GMFG: variants seen among roughly 807,000 people sequenced by gnomAD.
GMFG encodes the protein glia maturation factor gamma.
A neutral mutation model predicts 26.1 loss-of-function variants in GMFG; 21 were observed. The observed-to-expected ratio is 0.80, with a 90% CI of 0.57 to 1.16. GMFG has a LOEUF of 1.16. Among genes scored for constraint, GMFG ranks in the 50% most tolerant of loss-of-function variants. The pLI, the probability that GMFG is intolerant of heterozygous loss-of-function variation, is 0.00. For synonymous variants in GMFG, 65 were observed against 60.8 expected (o/e 1.07, Z -0.32); for missense variants, 161 against 178.3 (o/e 0.90, Z 0.55).
At chr19:39,332,125 G>A (rs1409273622) in intron 4 of GMFG, among the ~76,000 whole-genome samples, 1 of 151,794 alleles carries the variant, frequency 6.6e-6, no homozygotes, top group Non-Finnish European at 1.5e-5. Flanking sequence ...GGGATCACCT[G>A]AGGTTAGGAG....
At chr19:39,331,029 C>T (rs1447645763) in intron 4 of GMFG, among the ~76,000 whole-genome samples, 6 of 152,160 alleles carry the variant, frequency 3.9e-5, no homozygotes, top group East Asian at 1.9e-4. Context: ...TGAGCCACTG[C>T]GCTCAGCCTG....
intron 4 of GMFG, among the ~76,000 whole-genome samples, chr19:39,331,902 C>T (rs922070364): frequency 2.6e-5 from 4 of 152,162 alleles, no homozygotes; most frequent in Admixed American, 6.5e-5. Flanking sequence ...TGCTCTGTCA[C>T]CCAGGCTGGA....
At chr19:39,328,964 C>T in intron 6 of GMFG, 36 bp downstream of exon 6, 1 of 1,473,106 alleles carries the variant, frequency 6.8e-7, no homozygotes, top group Non-Finnish European at 9.5e-7. Context: ...CACACCACCT[C>T]TCCCTAACAC....
At chr19:39,330,891 C>T (rs952152550) in intron 4 of GMFG, among the ~76,000 whole-genome samples, 3 of 151,934 alleles carry the variant, frequency 2.0e-5, no homozygotes, top group South Asian at 2.1e-4. Flanking sequence ...TGAGCCACTG[C>T]GCCTGGCCTT....
intron 1 of GMFG, 97 bp from the exon 2 acceptor site, chr19:39,335,628 G>A (rs559278773): frequency 3.2e-5 from 28 of 866,610 alleles, no homozygotes; most frequent in African/African-American, 1.2e-4. Flanking sequence ...GAGGAGCATC[G>A]CGCCGGCCCA....
chr19:39,335,907 A>C, intron 1 of GMFG, 67 bp downstream of exon 1: 1 of 1,109,736 alleles, frequency 9.0e-7, no homozygotes, highest in East Asian at 2.4e-5. Flanking sequence ...ACCTTCGCCC[A>C]GGTGTCCTCC....
In GMFG at chr19:39,328,481, C is replaced by A. The variant is rs149972285; in HGVS notation, c.425G>T (p.Arg142Leu). ...ATTCAGTCCCCAGCCCAGAGATCAACGAAAGAAAGACAACTTTTCTTGGAG... is the reference window on the plus strand; with the variant it reads ...ATTCAGTCCCCAGCCCAGAGATCAAAGAAAGAAAGACAACTTTTCTTGGAG... Reference protein sequence around the residue: ...AWLQEKLSFFR With the variant: ...AWLQEKLSFFL Residue 142 changes from arginine (R) to leucine (L), a missense_variant, in exon 7 of 7, where the codon CGT becomes CTT. Coordinates refer to ENST00000597595, the MANE Select transcript of GMFG (RefSeq NM_004877.4). 5.0e-6 allele frequency: 8 copies of A among 1,609,530 alleles called. No individual in the cohort carries two copies. The highest frequency in any genetic ancestry group is 6.8e-6 in the Non-Finnish European group (8 of 1,175,932).
Position 39,328,555 on chromosome 19 carries a change from A to G in GMFG, c.358-7T>C, listed in dbSNP as rs1452183738. On this transcript the variant is annotated splice_polypyrimidine_tract_variant and splice_region_variant and intron_variant, in intron 6 of 6. Transcript: ENST00000597595. ...TGGTGCGGATTTCGAACACCTGGGC[A>G]GAGAGAGGTCTCGGCATTATGATCT... The G allele has an allele frequency of 1.9e-6, 3 of 1,605,970 alleles. No homozygotes were observed. The highest frequency in any genetic ancestry group is 1.7e-5 in the Admixed American group (1 of 59,980).
chr19:39,334,460 G>T (rs1182703275), intron 3 of GMFG, among the ~76,000 whole-genome samples: 4 of 151,748 alleles, frequency 2.6e-5, no homozygotes, highest in African/African-American at 9.7e-5. Context: ...TAGAGTTAGG[G>T]TGTTACCATG....
In GMFG at chr19:39,328,550, T is replaced by TG. The variant is rs1437788789; in HGVS notation, c.358-3dup. On this transcript the variant is annotated splice_region_variant and splice_polypyrimidine_tract_variant and intron_variant, in intron 6 of 6. Transcript: ENST00000597595. ...ATCAGTGGTGCGGATTTCGAACACC[T>TG]GGGCAGAGAGAGGTCTCGGCATTAT... 6.2e-7 allele frequency: 1 copy of TG among 1,608,916 alleles called. No individual in the cohort carries two copies. Among genetic ancestry groups the TG allele is most frequent in the African/African-American group, 1.3e-5 (1 of 74,804 alleles).
Position 39,329,367 on chromosome 19 carries a change from C to T in GMFG, c.283+177G>A, listed in dbSNP as rs190409215. On this transcript the variant is annotated intron_variant, in intron 5 of 6. Coordinates refer to ENST00000597595, the MANE Select transcript of GMFG (RefSeq NM_004877.4). ...CTTGGTGAATCTGAGCCCCCACCTC[C>T]ACTTCACTGCCCTCCCACATCATGC... is the stretch of plus-strand genomic sequence containing the variant. 1.5e-4 allele frequency among the ~76,000 whole-genome samples: 23 copies of T among 152,292 alleles called. 1 individual carries two copies. Among genetic ancestry groups the T allele is most frequent in the African/African-American group, 3.4e-4 (14 of 41,562 alleles).
chr19:39,330,971 C>T (rs2075224048), intron 4 of GMFG, among the ~76,000 whole-genome samples: 1 of 152,092 alleles, frequency 6.6e-6, no homozygotes. Flanking sequence ...CTCCTGGCCA[C>T]AAGCAGTACT....
At chr19:39,328,754 C>T in intron 6 of GMFG, 1 of 609,188 alleles carries the variant, frequency 1.6e-6, no homozygotes, top group Non-Finnish European at 2.9e-6. Context: ...TGGCGTGTGC[C>T]TGTCGTCCCA....
intron 4 of GMFG, 53 bp from the exon 5 acceptor site, chr19:39,329,679 A>C (rs1600491024): frequency 3.7e-5 from 41 of 1,115,668 alleles, no homozygotes; most frequent in Non-Finnish European, 6.8e-6. Context: ...CCCAGGCTTA[A>C]CAGCCATTAC....
Position 39,328,382 on chromosome 19 carries a change from T to G in GMFG, c.*95A>C. On this transcript the variant is annotated 3_prime_UTR_variant, in exon 7 of 7. Coordinates refer to ENST00000597595, the MANE Select transcript of GMFG (RefSeq NM_004877.4). ...TCTCCGAGTTTTTGCATTTTAAAAT[T>G]TATTTAAAGTCTTGGTTGTTCAGGT... is the stretch of plus-strand genomic sequence containing the variant. 7.3e-6 allele frequency: 6 copies of G among 821,982 alleles called. No homozygotes were observed. Among genetic ancestry groups the G allele is most frequent in the South Asian group, 1.4e-5 (1 of 71,678 alleles). 50.9% of individuals were successfully genotyped at this position (821,982 alleles called of 1,614,324 possible). A position where few individuals can be genotyped will look rare whatever the true frequency, so the allele number is the denominator to read the frequency against.
At chr19:39,328,679 G>A in intron 6 of GMFG, 131 bp from the exon 7 acceptor site, 2 of 690,552 alleles carry the variant, frequency 2.9e-6, no homozygotes, top group South Asian at 3.0e-5. Context: ...AGGAGTTCGA[G>A]ACCAGCCTGG....
intron 6 of GMFG, 136 bp downstream of exon 6, chr19:39,328,864 C>A (rs541743531): frequency 1.4e-6 from 1 of 707,316 alleles, no homozygotes; most frequent in South Asian, 1.6e-5. Context: ...GATGACAGAG[C>A]GAGACCCAGT....
intron 6 of GMFG, 132 bp downstream of exon 6, chr19:39,328,868 A>G: frequency 1.4e-6 from 1 of 728,880 alleles, no homozygotes; most frequent in Non-Finnish European, 2.4e-6. Context: ...ACAGAGCGAG[A>G]CCCAGTTCTT....
chr19:39,334,834 GTTTT>G (rs2075242458), intron 3 of GMFG, among the ~76,000 whole-genome samples: 1 of 151,964 alleles, frequency 6.6e-6, no homozygotes, highest in Admixed American at 6.6e-5. Flanking sequence ...GATCTCCAGG[GTTTT>G]TTGTTTTTTT....
Sources: gnomAD v4.1 joint callset for allele counts (sites outside exome capture counted in the v4.1 genomes callset) on GRCh38, gnomAD v4.1.1 for gene constraint, MANE v1.5 for transcripts, NCBI Gene and HGNC (gene_info 2026-07-23, HGNC 2026-07-21) for gene names.